TMEM178B: variants seen among roughly 807,000 people sequenced by gnomAD.
TMEM178B encodes the protein transmembrane protein 178B.
Under a neutral mutation model 31.0 loss-of-function variants are expected in TMEM178B, and 5 were observed. The observed-to-expected ratio is 0.16, with a 90% confidence interval of 0.08 to 0.34. The LOEUF is 0.34. Among genes scored for constraint, TMEM178B ranks in the 10% least tolerant of loss-of-function variants. The pLI is 1.00. For synonymous variants in TMEM178B, 164 were observed against 164.0 expected, an observed-to-expected ratio of 1.00 and a Z score of 0.00; for missense variants, 275 against 400.3, an observed-to-expected ratio of 0.69 and a Z score of 2.67.
At chr7:141,132,652 C>T (rs1053092779) in intron 1 of TMEM178B, among the ~76,000 whole-genome samples, 1 of 152,120 alleles carries the variant, frequency 6.6e-6, no homozygotes, top group Admixed American at 6.5e-5. Flanking sequence ...TGAGGGTTGG[C>T]TGGCTGATGC....
intron 2 of TMEM178B, among the ~76,000 whole-genome samples, chr7:141,303,345 A>G (rs1202568172): frequency 1.3e-5 from 2 of 152,214 alleles, no homozygotes; most frequent in African/African-American, 2.4e-5. Context: ...ATCTTCCATG[A>G]ATAGTTGTCT....
At chr7:141,279,812 C>G (rs1188440600) in intron 2 of TMEM178B, among the ~76,000 whole-genome samples, 1 of 152,262 alleles carries the variant, frequency 6.6e-6, no homozygotes, top group Non-Finnish European at 1.5e-5. Context: ...ATGGCCCTTT[C>G]TGTAGCCATC....
At chr7:141,157,756 G>A (rs1385254516) in intron 1 of TMEM178B, among the ~76,000 whole-genome samples, 1 of 152,160 alleles carries the variant, frequency 6.6e-6, no homozygotes, top group Non-Finnish European at 1.5e-5. Context: ...TGACGCTTCC[G>A]GCGTGATGCC....
At position 141,354,541 on chromosome 7, in the gene TMEM178B, G is replaced by A. The variant is rs564186264; in HGVS notation, c.497-83067G>A. Among the ~76,000 whole-genome samples, 201 of 152,324 alleles carry A rather than the reference G, an allele frequency of 1.3e-3. 4 individuals carry two copies. In the South Asian group the frequency reaches 0.039, roughly 30 times the overall value. On this transcript the variant is annotated intron_variant, in intron 2 of 3. Coordinates refer to ENST00000565468, the MANE Select transcript of TMEM178B (RefSeq NM_001195278.2). ...AGTCTGAGTGTATGTGTTCACATGTGTGTGTGCTCAGGCCTTGAAGTCTTT... is the reference window on the plus strand; with the variant it reads ...AGTCTGAGTGTATGTGTTCACATGTATGTGTGCTCAGGCCTTGAAGTCTTT...
At chr7:141,093,739 C>T (rs1440743859) in intron 1 of TMEM178B, among the ~76,000 whole-genome samples, 4 of 152,130 alleles carry the variant, frequency 2.6e-5, no homozygotes, top group African/African-American at 9.7e-5. Context: ...GTGTGCTGTC[C>T]TAGAAGCCAA....
chr7:141,192,004 A>G (rs929237228), intron 1 of TMEM178B, among the ~76,000 whole-genome samples: 3 of 152,206 alleles, frequency 2.0e-5, no homozygotes, highest in Non-Finnish European at 4.4e-5. Context: ...CCCTGGTTTA[A>G]GGTGCAAGGT....
chr7:141,295,265 G>A (rs1028807913), intron 2 of TMEM178B, among the ~76,000 whole-genome samples: 2 of 152,168 alleles, frequency 1.3e-5, no homozygotes, highest in Non-Finnish European at 2.9e-5. Flanking sequence ...GAGATCTTGT[G>A]CCCTCCACCA....
chr7:141,182,518 C>G (rs1283843183), intron 1 of TMEM178B, among the ~76,000 whole-genome samples: 1 of 152,188 alleles, frequency 6.6e-6, no homozygotes, highest in African/African-American at 2.4e-5. Context: ...TTCTAGGGCA[C>G]AGTCCATCTG....
chr7:141,258,848 C>CTA (rs757721292), intron 2 of TMEM178B, among the ~76,000 whole-genome samples: 1 of 152,092 alleles, frequency 6.6e-6, no homozygotes, highest in South Asian at 2.1e-4. Context: ...TATTGTTCTC[C>CTA]TATATATATG....
intron 3 of TMEM178B, among the ~76,000 whole-genome samples, chr7:141,447,033 A>G (rs1430099069): frequency 6.6e-6 from 1 of 152,128 alleles, no homozygotes; most frequent in Non-Finnish European, 1.5e-5. Flanking sequence ...GTACTCATTC[A>G]TTTATTTGTT....
intron 2 of TMEM178B, among the ~76,000 whole-genome samples, chr7:141,257,870 G>A (rs1318035565): frequency 6.6e-6 from 1 of 151,648 alleles, no homozygotes; most frequent in East Asian, 1.9e-4. Context: ...TGGCAGTTTT[G>A]CTATTTCTTT....
intron 2 of TMEM178B, among the ~76,000 whole-genome samples, chr7:141,289,983 C>G (rs533394069): frequency 6.6e-6 from 1 of 151,972 alleles, no homozygotes; most frequent in African/African-American, 2.4e-5. Flanking sequence ...CTCTCCTCCC[C>G]GCAACAAAAA....
Position 141,302,322 on chromosome 7 carries a change from C to T in TMEM178B, c.496+89618C>T, listed in dbSNP as rs1798742422. Among the ~76,000 whole-genome samples the T allele has an allele frequency of 2.0e-5, 3 of 152,144 alleles. No homozygotes were observed. The South Asian group carries it at 6.2e-4, about 32-fold the overall frequency. On this transcript the variant is annotated intron_variant, in intron 2 of 3. Coordinates refer to ENST00000565468, the MANE Select transcript of TMEM178B (RefSeq NM_001195278.2). Reference sequence around the variant, plus strand: ...ACCTTGAGGACATGATGCTAAGTGACATAAATTAGTCACAAAAGGACAAAT... The same window carrying T: ...ACCTTGAGGACATGATGCTAAGTGATATAAATTAGTCACAAAAGGACAAAT...
the TMEM178B span, among the ~76,000 whole-genome samples, chr7:141,504,778 T>C: frequency 6.6e-6 from 1 of 152,234 alleles, no homozygotes; most frequent in African/African-American, 2.4e-5. Flanking sequence ...GACGCTTTAA[T>C]GCACCCATCA....
chr7:141,074,494 A>T lies in TMEM178B; in HGVS notation c.184A>T (p.Asn62Tyr), dbSNP rs1316702055. The T allele has an allele frequency of 6.5e-7, 1 of 1,535,932 alleles. No individual in the cohort carries two copies. Among genetic ancestry groups the T allele is most frequent in the Non-Finnish European group, 8.7e-7 (1 of 1,146,808 alleles). The change falls in exon 1 of 4, where the codon AAC (asparagine) becomes TAC (tyrosine). Residue 62 changes from asparagine to tyrosine, a missense_variant. By Grantham distance (143) the Asn-to-Tyr change is moderately radical. Coordinates refer to ENST00000565468, the MANE Select transcript of TMEM178B (RefSeq NM_001195278.2). The surrounding 1 kb of genome is among the most constrained non-coding windows in gnomAD (Gnocchi z 5.1). ...DPGFIYNNNNNLPLRASRSRL... is the reference protein window; with the variant it reads ...DPGFIYNNNNYLPLRASRSRL... Reference sequence around the variant, plus strand: ...CGGCTTCATTTACAACAATAACAACAACTTGCCGCTCCGGGCGAGCCGCTC... The same window carrying T: ...CGGCTTCATTTACAACAATAACAACTACTTGCCGCTCCGGGCGAGCCGCTC...
At position 141,084,356 on chromosome 7, in the gene TMEM178B, A is replaced by C. The variant is rs538768610; in HGVS notation, c.382+9664A>C. ...TGAATGGTGAAGAACATTTCACTGA[A>C]CTTATTTAAAAAATGTCTATTAAGC... is the stretch of plus-strand genomic sequence containing the variant. On this transcript the variant is annotated intron_variant, in intron 1 of 3. Coordinates refer to ENST00000565468, the MANE Select transcript of TMEM178B (RefSeq NM_001195278.2). Among the ~76,000 whole-genome samples, 4 of 152,358 alleles carry C rather than the reference A, an allele frequency of 2.6e-5. No homozygotes were observed. In the South Asian group the frequency reaches 8.3e-4, roughly 32 times the overall value.
intron 2 of TMEM178B, among the ~76,000 whole-genome samples, chr7:141,309,106 A>G (rs1586883979): frequency 2.0e-5 from 3 of 152,188 alleles, no homozygotes; most frequent in East Asian, 1.9e-4. Context: ...TATGATTGCA[A>G]CAATAATACA....
At chr7:141,143,782 A>G (rs900746178) in intron 1 of TMEM178B, among the ~76,000 whole-genome samples, 2 of 151,216 alleles carry the variant, frequency 1.3e-5, no homozygotes, top group Admixed American at 1.3e-4. Context: ...TAGGAATAGC[A>G]TTAAATCTAT....
At chr7:141,369,041 C>G (rs549112709) in intron 2 of TMEM178B, among the ~76,000 whole-genome samples, 107 of 152,308 alleles carry the variant, frequency 7.0e-4, no homozygotes, top group African/African-American at 2.6e-3. Flanking sequence ...TGCTCACCCC[C>G]CTTTCCCAGT....
Sources: allele counts gnomAD v4.1 joint callset (sites outside exome capture counted in the v4.1 genomes callset), GRCh38; gene constraint gnomAD v4.1.1; non-coding constraint Gnocchi (gnomAD v3.1); transcripts MANE v1.5; gene names NCBI Gene and HGNC (gene_info 2026-07-23, HGNC 2026-07-21).